The following INVS variants were observed in gnomAD, a reference collection of about 807,000 sequenced individuals.
INVS encodes inversin, also known as inversion of embryo turning homolog.
In INVS, 86 loss-of-function variants were observed where a neutral mutation model predicts 108.8. That is an observed-to-expected ratio of 0.79 (90% confidence interval 0.66 to 0.95). The LOEUF (loss-of-function observed/expected upper bound fraction) is 0.95, where lower values mean the gene tolerates loss of function less well. Among genes scored for constraint, INVS ranks in the 40% least tolerant of loss-of-function variants. The pLI is 0.00. For synonymous variants in INVS, 455 were observed against 473.5 expected (o/e 0.96, Z 0.51); for missense variants, 1,169 against 1,297.4 (o/e 0.90, Z 1.52).
At chr9:100,105,520 A>C (rs144445027) in intron 2 of INVS, among the ~76,000 whole-genome samples, 1 of 152,076 alleles carries the variant, frequency 6.6e-6, no homozygotes, top group African/African-American at 2.4e-5. Context: ...ACAAACTCCT[A>C]CTTATCTTTA....
At chr9:100,123,851 G>A (rs1216406916) in intron 2 of INVS, among the ~76,000 whole-genome samples, 1 of 152,098 alleles carries the variant, frequency 6.6e-6, no homozygotes, top group Admixed American at 6.5e-5. Flanking sequence ...TGTTACCCAG[G>A]CTGGAGTGCA....
At chr9:100,250,714 C>T (rs1212143021) in intron 8 of INVS, among the ~76,000 whole-genome samples, 2 of 152,196 alleles carry the variant, frequency 1.3e-5, no homozygotes, top group African/African-American at 4.8e-5. Flanking sequence ...CAGTCTACTG[C>T]CAAAATCCTT....
chr9:100,301,550 T>A lies in INVS; in HGVS notation c.*876T>A, dbSNP rs914371325. On this transcript the variant is annotated 3_prime_UTR_variant, in exon 17 of 17. Coordinates refer to ENST00000262457, the MANE Select transcript of INVS (RefSeq NM_014425.5). ...TGCCATTTCTGTTGGCAGGGAAGAA[T>A]GAAACGGCACACATCCTAGCATTCT... Among the ~76,000 whole-genome samples, 13 of 152,198 alleles carry A rather than the reference T, an allele frequency of 8.5e-5. No homozygotes were observed.
chr9:100,256,172 T>C (rs1463049696), intron 10 of INVS, among the ~76,000 whole-genome samples: 1 of 152,234 alleles, frequency 6.6e-6, no homozygotes, highest in Admixed American at 6.5e-5. Flanking sequence ...AATTTATCCA[T>C]TTCTTCTAGA....
Position 100,292,750 on chromosome 9 carries a change from A to T in INVS, c.2493A>T (p.Pro831=). 1 of 1,614,152 alleles carries T rather than the reference A, an allele frequency of 6.2e-7. No homozygotes were observed. Among genetic ancestry groups the T allele is most frequent in the Non-Finnish European group, 8.5e-7 (1 of 1,180,020 alleles). ...AGAATCCTCCCCACCATCGTACACC[A>T]AGAAACAAAGTGACACAAGCCAAGC... The part of the protein sequence containing the change: ...AGQNPPHHRT[P]RNKVTQAKLT... The change falls in exon 14 of 17, where the codon CCA becomes CCT. Residue 831 remains proline, a synonymous_variant. Coordinates refer to ENST00000262457, the MANE Select transcript of INVS (RefSeq NM_014425.5).
chr9:100,255,184 G>A (rs1289598454), intron 10 of INVS, among the ~76,000 whole-genome samples: 3 of 152,112 alleles, frequency 2.0e-5, no homozygotes, highest in Non-Finnish European at 2.9e-5. Flanking sequence ...AAGACATTGC[G>A]AATGGGAGTT....
intron 3 of INVS, among the ~76,000 whole-genome samples, chr9:100,160,641 C>A (rs573219592): frequency 1.8e-4 from 28 of 152,246 alleles, no homozygotes; most frequent in African/African-American, 6.7e-4. Context: ...CCATAATTTA[C>A]ATTTAAATAT....
At chr9:100,156,931 CATATATATATAT>C (rs35535555) in intron 3 of INVS, among the ~76,000 whole-genome samples, 2 of 124,570 alleles carry the variant, frequency 1.6e-5, no homozygotes, top group African/African-American at 2.8e-5. Context: ...TGTATATATA[CATATATATATAT>C]ACACACACAC....
chr9:100,190,083 A>T (rs552366917), intron 3 of INVS, among the ~76,000 whole-genome samples: 1 of 152,212 alleles, frequency 6.6e-6, no homozygotes, highest in South Asian at 2.1e-4. Context: ...TATATTTAGG[A>T]TTGTAATATC....
intron 2 of INVS, among the ~76,000 whole-genome samples, chr9:100,108,712 A>G (rs192144554): frequency 6.6e-6 from 1 of 152,056 alleles, no homozygotes; most frequent in African/African-American, 2.4e-5. Context: ...CTCTGTTTCC[A>G]TGGAGAAGTA....
At chr9:100,165,368 A>G (rs1829328885) in intron 3 of INVS, among the ~76,000 whole-genome samples, 2 of 152,150 alleles carry the variant, frequency 1.3e-5, no homozygotes, top group South Asian at 4.1e-4. Flanking sequence ...CTCAGTGCCT[A>G]GAGCCCATTG....
Position 100,226,923 on chromosome 9 carries a change from C to A in INVS, c.447+688C>A, listed in dbSNP as rs1333403467. Reference sequence around the variant, plus strand: ...GGTTAGACTCATGATGGCCAAATGCCCATGGCAATGTCCTAAATGCTTAGT... The same window carrying A: ...GGTTAGACTCATGATGGCCAAATGCACATGGCAATGTCCTAAATGCTTAGT... On this transcript the variant is annotated intron_variant, in intron 4 of 16. Coordinates refer to ENST00000262457, the MANE Select transcript of INVS (RefSeq NM_014425.5). Among the ~76,000 whole-genome samples the A allele has an allele frequency of 2.6e-5, 4 of 152,056 alleles. No individual in the cohort carries two copies. In the East Asian group the frequency reaches 7.7e-4, roughly 29 times the overall value.
At chr9:100,106,769 A>G (rs895321066) in intron 2 of INVS, among the ~76,000 whole-genome samples, 25 of 152,194 alleles carry the variant, frequency 1.6e-4, no homozygotes, top group African/African-American at 6.0e-4. Flanking sequence ...TACGTTCATT[A>G]TAGTCATAGC....
chr9:100,255,254 A>G (rs1355212764), intron 10 of INVS, among the ~76,000 whole-genome samples: 1 of 152,168 alleles, frequency 6.6e-6, no homozygotes. Flanking sequence ...TGATTTTTGT[A>G]CATTGATTTT....
chr9:100,276,969 C>T (rs1300722745), intron 12 of INVS, among the ~76,000 whole-genome samples: 1 of 152,242 alleles, frequency 6.6e-6, no homozygotes, highest in East Asian at 1.9e-4. Context: ...GAGACCTGAG[C>T]TCCTTCCTGG....
intron 2 of INVS, among the ~76,000 whole-genome samples, chr9:100,115,367 C>T (rs922298531): frequency 6.6e-6 from 1 of 151,824 alleles, no homozygotes; most frequent in African/African-American, 2.4e-5. Flanking sequence ...AGGTTTGTTA[C>T]ATATGTATAC....
chr9:100,300,478 C>T (rs1184145102), intron 16 of INVS, 90 bp from the exon 17 acceptor site: 9 of 908,602 alleles, frequency 9.9e-6, no homozygotes, highest in East Asian at 5.1e-5. Context: ...TAGCCTAAAC[C>T]GAAATCCTTC....
chr9:100,152,972 G>C (rs1828853799), intron 3 of INVS, among the ~76,000 whole-genome samples: 1 of 151,312 alleles, frequency 6.6e-6, no homozygotes, highest in African/African-American at 2.4e-5. Flanking sequence ...ATGTAACTTT[G>C]GTTATTTCAG....
chr9:100,249,912 C>G (rs1832173029), intron 8 of INVS, among the ~76,000 whole-genome samples: 1 of 151,174 alleles, frequency 6.6e-6, no homozygotes, highest in Non-Finnish European at 1.5e-5. Context: ...TGAGACCAGT[C>G]TGGTCAACGT....
Sources: gnomAD v4.1 joint callset for allele counts (sites outside exome capture counted in the v4.1 genomes callset) on GRCh38, gnomAD v4.1.1 for gene constraint, MANE v1.5 for transcripts, NCBI Gene and HGNC (gene_info 2026-07-23, HGNC 2026-07-21) for gene names.